MYO7A: variants seen among roughly 807,000 people sequenced by gnomAD.
The protein encoded by MYO7A is myosin VIIA.
Under a neutral mutation model 263.8 loss-of-function variants are expected in MYO7A, and 210 were observed. That is an observed-to-expected ratio of 0.80 (90% CI 0.71 to 0.89). The LOEUF is 0.89. Among genes scored for constraint, MYO7A ranks in the 40% least tolerant of loss-of-function variants. MYO7A has a pLI of 0.00. For missense variants in MYO7A, 2,820 were observed against 2,968.3 expected, an observed-to-expected ratio of 0.95 and a Z score of 1.16; for synonymous variants, 1,239 against 1,197.3, an observed-to-expected ratio of 1.03 and a Z score of -0.72.
At chr11:77,156,302 A>G (rs980432372) in intron 5 of MYO7A, among the ~76,000 whole-genome samples, 2 of 152,236 alleles carry the variant, frequency 1.3e-5, no homozygotes, top group African/African-American at 4.8e-5. Context: ...CAAAGCTCAC[A>G]TTAGCTTTTG....
intron 19 of MYO7A, 104 bp downstream of exon 19, chr11:77,177,747 G>A (rs928575832): frequency 3.0e-5 from 27 of 898,750 alleles, no homozygotes; most frequent in African/African-American, 2.3e-4. Context: ...GGAAAAAAAC[G>A]TGTTCACCTA....
intron 14 of MYO7A, among the ~76,000 whole-genome samples, chr11:77,164,055 G>GT (rs1555070954): frequency 6.6e-6 from 1 of 152,144 alleles, no homozygotes; most frequent in Non-Finnish European, 1.5e-5. Context: ...AACCAGCCCA[G>GT]TTACCCCCTA....
intron 15 of MYO7A, among the ~76,000 whole-genome samples, chr11:77,169,357 G>A (rs1157764302): frequency 2.0e-5 from 3 of 152,240 alleles, no homozygotes; most frequent in African/African-American, 7.2e-5. Flanking sequence ...AGGATATTGA[G>A]TAGCCCCTGA....
chr11:77,201,309 T>C (rs1957046579), intron 35 of MYO7A, 139 bp from the exon 36 acceptor site: 1 of 822,902 alleles, frequency 1.2e-6, no homozygotes, highest in African/African-American at 1.7e-5. Context: ...TGATGGTCTC[T>C]GTATGGAGAG....
At position 77,160,975 on chromosome 11, in the gene MYO7A, G is replaced by T. The variant is rs1555068157; in HGVS notation, c.1203G>T (p.Gly401=). The T allele has an allele frequency of 6.3e-7, 1 of 1,599,726 alleles. No individual in the cohort carries two copies. The highest frequency in any genetic ancestry group is 1.7e-4 in the Middle Eastern group (1 of 5,988). Residue 401 remains glycine (G), a splice_region_variant and synonymous_variant, in exon 12 of 49, where the codon GGG becomes GGT. Coordinates refer to ENST00000409709, the MANE Select transcript of MYO7A (RefSeq NM_000260.4). ...AGTGGCTGATCACTGCCTTTCAGGG[G>T]ATCTACGGGCGGCTGTTCGTGTGGA... ...ALDVRDAFVK[G]IYGRLFVWIV...
intron 30 of MYO7A, among the ~76,000 whole-genome samples, chr11:77,191,647 G>A (rs1188516935): frequency 1.3e-5 from 2 of 152,206 alleles, no homozygotes; most frequent in African/African-American, 2.4e-5. Flanking sequence ...GGGACCTGGG[G>A]CTTGGGTGAT....
At chr11:77,155,200 C>G (rs1279091467) in intron 4 of MYO7A, among the ~76,000 whole-genome samples, 1 of 152,236 alleles carries the variant, frequency 6.6e-6, no homozygotes, top group African/African-American at 2.4e-5. Context: ...AAGGCCACAA[C>G]AGGAAGCCTT....
intron 9 of MYO7A, 28 bp downstream of exon 9, chr11:77,158,458 C>T (rs781961606): frequency 6.2e-7 from 1 of 1,604,726 alleles, no homozygotes; most frequent in South Asian, 1.1e-5. Flanking sequence ...TCGCCCTGCC[C>T]CACCCCTGCG....
At chr11:77,170,863 G>T (rs1323207573) in intron 15 of MYO7A, among the ~76,000 whole-genome samples, 1 of 152,192 alleles carries the variant, frequency 6.6e-6, no homozygotes, top group Non-Finnish European at 1.5e-5. Context: ...TTTGAAAGTA[G>T]AGCCTGTAGG....
intron 24 of MYO7A, 34 bp from the exon 25 acceptor site, chr11:77,182,390 C>T (rs782193630): frequency 1.3e-5 from 20 of 1,579,946 alleles, no homozygotes; most frequent in East Asian, 4.5e-5. Context: ...CAATGTCCTC[C>T]GCTCTGGCCT....
chr11:77,165,955 G>A (rs1359324639), intron 14 of MYO7A, 101 bp from the exon 15 acceptor site: 2 of 782,722 alleles, frequency 2.6e-6, no homozygotes, highest in Admixed American at 2.1e-5. Flanking sequence ...TGGATGTGGT[G>A]GAACTAGGTG....
intron 3 of MYO7A, among the ~76,000 whole-genome samples, chr11:77,147,329 C>T (rs912817803): frequency 6.6e-6 from 1 of 152,128 alleles, no homozygotes; most frequent in African/African-American, 2.4e-5. Flanking sequence ...TCAAGCAGCT[C>T]CCCCCATGAC....
rs180807004 is a variant in MYO7A at position 77,203,224 on chromosome 11, G to A, written c.5326+7G>A. ...GCCTGCCTGGCCTTCATTGATATCC[G>A]TGCCACTGGGCTGTGCCCAGGGGAG... On this transcript the variant is annotated splice_region_variant and intron_variant, in intron 38 of 48. Transcript: ENST00000409709. 158 of 1,552,020 alleles carry A rather than the reference G, an allele frequency of 1.0e-4. No individual in the cohort carries two copies. In the African/African-American group the frequency reaches 1.3e-3, roughly 12 times the overall value.
intron 46 of MYO7A, chr11:77,212,236 C>CG (rs1166494821): frequency 1.9e-6 from 1 of 534,284 alleles, no homozygotes; most frequent in Non-Finnish European, 3.6e-6. Flanking sequence ...TGGCAGAGCT[C>CG]GGGAGGCTCT....
Position 77,174,879 on chromosome 11 carries a change from G to A in MYO7A, c.2059G>A (p.Val687Met). The A allele has an allele frequency of 6.2e-7, 1 of 1,613,742 alleles. No homozygotes were observed. Among genetic ancestry groups the A allele is most frequent in the Non-Finnish European group, 8.5e-7 (1 of 1,179,880 alleles). ...CGTAGAGTTTGTGGAGCGGTACCGTGTGCTGCTGCCAGGTGTGAAGCCGGC... is the reference window on the plus strand; with the variant it reads ...CGTAGAGTTTGTGGAGCGGTACCGTATGCTGCTGCCAGGTGTGAAGCCGGC... ...SFVEFVERYR[V>M]LLPGVKPAYK... Residue 687 changes from valine (V) to methionine (M), a missense_variant, in exon 17 of 49, where the codon GTG becomes ATG. Val to Met is a conservative substitution (Grantham distance 21). Transcript: ENST00000409709.
intron 9 of MYO7A, among the ~76,000 whole-genome samples, 155 bp downstream of exon 9, chr11:77,158,585 C>T (rs868946818): frequency 2.0e-5 from 3 of 152,198 alleles, no homozygotes; most frequent in African/African-American, 7.2e-5. Context: ...TAGATTTGAA[C>T]AGGTCTGCTA....
chr11:77,175,613 G>C, intron 18 of MYO7A, 149 bp downstream of exon 18: 1 of 762,346 alleles, frequency 1.3e-6, no homozygotes, highest in Non-Finnish European at 2.2e-6. Context: ...GGTGGGATCT[G>C]GCCTCTCTGG....
At chr11:77,207,949 G>A (rs1258952157) in intron 42 of MYO7A, among the ~76,000 whole-genome samples, 1 of 152,174 alleles carries the variant, frequency 6.6e-6, no homozygotes, top group Non-Finnish European at 1.5e-5. Context: ...CCCTCCACGG[G>A]AAGGCCTCCC....
chr11:77,195,779 A>G (rs1956611156), intron 32 of MYO7A, among the ~76,000 whole-genome samples: 1 of 152,196 alleles, frequency 6.6e-6, no homozygotes, highest in Non-Finnish European at 1.5e-5. Context: ...GGGAGGGTGC[A>G]TTGTTCATTT....
Sources: allele counts gnomAD v4.1 joint callset (sites outside exome capture counted in the v4.1 genomes callset), GRCh38; gene constraint gnomAD v4.1.1; transcripts MANE v1.5; gene names NCBI Gene and HGNC (gene_info 2026-07-23, HGNC 2026-07-21).